Variants in PJA2 observed in about 807,000 individuals in gnomAD.
PJA2 encodes the protein praja ring finger ubiquitin ligase 2.
In PJA2, 25 loss-of-function variants were observed where a neutral mutation model predicts 69.3. That is an observed-to-expected ratio of 0.36 (90% confidence interval 0.26 to 0.50). The LOEUF is 0.50. PJA2 is among the 20% of genes least tolerant of loss of function. The probability of loss-of-function intolerance (pLI) is 0.96; values close to 1 mark genes in which losing one functional copy is unlikely to be tolerated. For missense variants in PJA2, 809 were observed against 830.2 expected (o/e 0.97, Z 0.31); for synonymous variants, 308 against 277.8 (o/e 1.11, Z -1.08).
chr5:109,400,939 C>T (rs1288174037), intron 1 of PJA2, among the ~76,000 whole-genome samples: 1 of 151,984 alleles, frequency 6.6e-6, no homozygotes, highest in East Asian at 1.9e-4. Flanking sequence ...GCCGAGATGG[C>T]GCCACTGCAC....
intron 1 of PJA2, among the ~76,000 whole-genome samples, chr5:109,399,631 A>G (rs553972945): frequency 5.6e-4 from 85 of 152,352 alleles, no homozygotes; most frequent in Non-Finnish European, 1.1e-3. Flanking sequence ...GCAGATGCAG[A>G]AGCAGACTCA....
At chr5:109,366,452 G>T (rs1454964050) in intron 5 of PJA2, among the ~76,000 whole-genome samples, 1 of 152,114 alleles carries the variant, frequency 6.6e-6, no homozygotes, top group African/African-American at 2.4e-5. Context: ...CTTTTGCTTA[G>T]AAAGTTCTTT....
At chr5:109,353,378 C>A (rs1324596419) in intron 7 of PJA2, among the ~76,000 whole-genome samples, 1 of 132,396 alleles carries the variant, frequency 7.6e-6, no homozygotes, top group Non-Finnish European at 1.6e-5. Context: ...CCTATTATAT[C>A]TATAGACATC....
intron 2 of PJA2, 136 bp from the exon 3 acceptor site, chr5:109,381,839 A>G (rs1236163065): frequency 1.0e-5 from 7 of 680,298 alleles, no homozygotes; most frequent in Non-Finnish European, 1.5e-5. Flanking sequence ...GTACCTTACT[A>G]GTACTATAAA....
intron 6 of PJA2, among the ~76,000 whole-genome samples, chr5:109,361,435 T>C (rs1359700655): frequency 1.3e-5 from 2 of 152,200 alleles, no homozygotes; most frequent in African/African-American, 4.8e-5. Context: ...TTTTAGAGTC[T>C]TGAAAATGTG....
chr5:109,374,389 G>T (rs760256076), intron 4 of PJA2, among the ~76,000 whole-genome samples: 1 of 152,142 alleles, frequency 6.6e-6, no homozygotes, highest in Non-Finnish European at 1.5e-5. Context: ...TTATTTGTTG[G>T]GGGTAGTACC....
At position 109,347,942 on chromosome 5, in the gene PJA2, T is replaced by A. The variant is rs938791361; in HGVS notation, c.1765-3123A>T. Among the ~76,000 whole-genome samples the A allele has an allele frequency of 2.6e-5, 4 of 152,176 alleles. No homozygotes were observed. The South Asian group carries it at 8.3e-4, about 32-fold the overall frequency. Reference sequence around the variant, plus strand: ...TGAACTCAGACTGGTACAGAATTCATATTAAGAGTGGTCCCGGGACACAGA... The same window carrying A: ...TGAACTCAGACTGGTACAGAATTCAAATTAAGAGTGGTCCCGGGACACAGA... On this transcript the variant is annotated intron_variant, in intron 7 of 9. Transcript: ENST00000361189.
chr5:109,353,433 CCTATATATAGATATCTATATATTAGAT>C (rs1762311136), intron 7 of PJA2, among the ~76,000 whole-genome samples: 4 of 47,466 alleles, frequency 8.4e-5, no homozygotes, highest in African/African-American at 2.1e-4. Flanking sequence ...ATATTAGATA[CCTATATATAGATATCTATATATTAGAT>C]ACCTATATCT....
chr5:109,409,362 G>A (rs1444659659), intron 1 of PJA2: 1 of 152,378 alleles, frequency 6.6e-6, no homozygotes, highest in African/African-American at 2.4e-5. Flanking sequence ...TCGGGGGAGG[G>A]GTGCTGCAGG....
chr5:109,375,297 G>T (rs1746836366), intron 4 of PJA2, among the ~76,000 whole-genome samples: 1 of 152,042 alleles, frequency 6.6e-6, no homozygotes, highest in African/African-American at 2.4e-5. Context: ...ATCACTTGAG[G>T]TCACAGGTTC....
At position 109,378,904 on chromosome 5, in the gene PJA2, C is replaced by T. The variant is rs749432293; in HGVS notation, c.583G>A (p.Glu195Lys). ...TCAAATACTGTATTGCCTAATGATT[C>T]CTGGTATCTACTACCTTCCACGACT... Reference protein sequence around the residue: ...AEVVEGSRYQESLGNTVFELE... With the variant: ...AEVVEGSRYQKSLGNTVFELE... Residue 195 changes from glutamate to lysine, a missense_variant, in exon 4 of 10, where the codon GAA (glutamate) becomes AAA (lysine). By Grantham distance (56) the Glu-to-Lys change is moderately conservative (BLOSUM62 1). Around this residue, in one of 4 missense-constraint regions of PJA2, gnomAD observed 700 missense variants for 639.5 expected, o/e 1.09. Transcript: ENST00000361189. The T allele has an allele frequency of 6.2e-7, 1 of 1,614,128 alleles. No homozygotes were observed. The highest frequency in any genetic ancestry group is 8.5e-7 in the Non-Finnish European group (1 of 1,180,024).
At chr5:109,408,651 G>T (rs1409957937) in intron 1 of PJA2, among the ~76,000 whole-genome samples, 1 of 152,140 alleles carries the variant, frequency 6.6e-6, no homozygotes, top group Admixed American at 6.5e-5. Context: ...GGGATGAAAA[G>T]AAATATTTAA....
In PJA2 at chr5:109,383,445, T is replaced by C. The variant is rs914105876; in HGVS notation, c.-12A>G. 1 of 1,610,774 alleles carries C rather than the reference T, an allele frequency of 6.2e-7. No individual in the cohort carries two copies. The highest frequency in any genetic ancestry group is 8.5e-7 in the Non-Finnish European group (1 of 1,177,476). On this transcript the variant is annotated 5_prime_UTR_variant, in exon 2 of 10. Transcript: ENST00000361189. Reference sequence around the variant, plus strand: ...GTGTACTGTGACATATATGGCAGCGTCTGTGTGACCAGTTCAGTAGAATTA... The same window carrying C: ...GTGTACTGTGACATATATGGCAGCGCCTGTGTGACCAGTTCAGTAGAATTA...
intron 5 of PJA2, among the ~76,000 whole-genome samples, chr5:109,366,107 T>C (rs1215272911): frequency 1.3e-5 from 2 of 152,172 alleles, no homozygotes; most frequent in East Asian, 1.9e-4. Flanking sequence ...GCAATTGACA[T>C]TTGGTGTACT....
intron 4 of PJA2, among the ~76,000 whole-genome samples, chr5:109,376,238 C>A: frequency 7.7e-6 from 1 of 129,086 alleles, no homozygotes. Flanking sequence ...ATGTTTTTTC[C>A]CATCTATATA....
At chr5:109,355,861 T>G in intron 7 of PJA2, 54 bp downstream of exon 7, 1 of 1,292,852 alleles carries the variant, frequency 7.7e-7, no homozygotes, top group African/African-American at 1.5e-5. Context: ...CTTTAAACCT[T>G]TATCATTTTG....
intron 7 of PJA2, 116 bp downstream of exon 7, chr5:109,355,799 C>G: frequency 1.5e-6 from 1 of 662,134 alleles, no homozygotes; most frequent in East Asian, 2.6e-5. Flanking sequence ...ATAACTGTTA[C>G]TAAACTGATG....
At chr5:109,387,905 G>A (rs980833443) in intron 1 of PJA2, among the ~76,000 whole-genome samples, 11 of 152,108 alleles carry the variant, frequency 7.2e-5, no homozygotes, top group African/African-American at 2.7e-4. Context: ...CTGAACAAAC[G>A]AATGAATGAA....
intron 4 of PJA2, among the ~76,000 whole-genome samples, chr5:109,371,179 T>C (rs1340829621): frequency 1.3e-5 from 2 of 152,226 alleles, no homozygotes; most frequent in Admixed American, 1.3e-4. Flanking sequence ...CCCACGCCTA[T>C]ATCATTATTA....
Sources: gnomAD v4.1 joint callset for allele counts (sites outside exome capture counted in the v4.1 genomes callset) on GRCh38, gnomAD v4.1.1 for gene constraint, gnomAD v4.1.1 regional missense constraint, MANE v1.5 for transcripts, NCBI Gene and HGNC (gene_info 2026-07-23, HGNC 2026-07-21) for gene names.